SLC24A3: variants seen among roughly 807,000 people sequenced by gnomAD.
SLC24A3 encodes the protein sodium/potassium/calcium exchanger 3.
In SLC24A3, 28 loss-of-function variants were observed where a neutral mutation model predicts 75.8. The ratio of observed to expected loss-of-function variants is 0.37; its 90% CI spans 0.27 to 0.51. The LOEUF is 0.51. SLC24A3 is among the 20% of genes least tolerant of loss of function. SLC24A3 has a pLI of 0.94. For synonymous variants in SLC24A3, 372 were observed against 334.1 expected (o/e 1.11, Z -1.24); for missense variants, 663 against 847.8 (o/e 0.78, Z 2.71).
intron 6 of SLC24A3, among the ~76,000 whole-genome samples, chr20:19,600,241 A>AG (rs1384969401): frequency 6.6e-6 from 1 of 152,108 alleles, no homozygotes; most frequent in African/African-American, 2.4e-5. Flanking sequence ...CAAACCCATT[A>AG]GGAGGCGCCA....
chr20:19,471,097 T>C (rs1987862363), intron 2 of SLC24A3, among the ~76,000 whole-genome samples: 1 of 152,156 alleles, frequency 6.6e-6, no homozygotes, highest in African/African-American at 2.4e-5. Context: ...CTCAGGTTGC[T>C]ATGTGGTATT....
At chr20:19,700,013 A>G (rs6106122) in intron 15 of SLC24A3, among the ~76,000 whole-genome samples, 70,654 of 152,050 alleles carry the variant, frequency 0.46, 17,620 homozygotes, top group East Asian at 0.68. Flanking sequence ...GTAGCATCCC[A>G]AGGGTCACAT....
At chr20:19,388,958 A>G (rs949740128) in intron 2 of SLC24A3, among the ~76,000 whole-genome samples, 4 of 151,414 alleles carry the variant, frequency 2.6e-5, no homozygotes, top group African/African-American at 9.7e-5. Flanking sequence ...TTGTGATTTG[A>G]TTATTTTTGT....
At chr20:19,333,549 A>G (rs765663187) in intron 2 of SLC24A3, among the ~76,000 whole-genome samples, 13 of 152,128 alleles carry the variant, frequency 8.5e-5, no homozygotes, top group Non-Finnish European at 1.5e-4. Context: ...AATTTTTTAA[A>G]AGAATACATT....
At chr20:19,481,123 G>C (rs986260432) in intron 2 of SLC24A3, among the ~76,000 whole-genome samples, 2 of 152,184 alleles carry the variant, frequency 1.3e-5, no homozygotes, top group African/African-American at 4.8e-5. Flanking sequence ...ATAGTAATGA[G>C]AAACAGCCTC....
intron 2 of SLC24A3, among the ~76,000 whole-genome samples, chr20:19,386,960 A>G (rs1986282853): frequency 6.6e-6 from 1 of 152,144 alleles, no homozygotes; most frequent in African/African-American, 2.4e-5. Flanking sequence ...TTCACCCATG[A>G]AGCTACCTGG....
At chr20:19,328,610 G>A (rs1464951159) in intron 2 of SLC24A3, among the ~76,000 whole-genome samples, 2 of 152,140 alleles carry the variant, frequency 1.3e-5, no homozygotes, top group African/African-American at 4.8e-5. Context: ...TGCAATTCCT[G>A]GCCTGAGCAG....
chr20:19,579,748 G>T (rs2031192582), intron 3 of SLC24A3, among the ~76,000 whole-genome samples: 1 of 152,186 alleles, frequency 6.6e-6, no homozygotes, highest in African/African-American at 2.4e-5. Flanking sequence ...AAGTGCAAAG[G>T]CCCTGAGACA....
At chr20:19,232,182 T>C (rs1982040640) in intron 1 of SLC24A3, among the ~76,000 whole-genome samples, 3 of 152,264 alleles carry the variant, frequency 2.0e-5, no homozygotes, top group African/African-American at 7.2e-5. Flanking sequence ...ATATTTATTT[T>C]CAGTGTTCAG....
intron 7 of SLC24A3, among the ~76,000 whole-genome samples, chr20:19,659,176 T>A (rs2032298625): frequency 1.3e-5 from 2 of 152,206 alleles, no homozygotes; most frequent in African/African-American, 4.8e-5. Flanking sequence ...ACAAGTGCTG[T>A]CTGTCTGCTG....
At chr20:19,424,175 A>C (rs890177784) in intron 2 of SLC24A3, among the ~76,000 whole-genome samples, 4 of 152,100 alleles carry the variant, frequency 2.6e-5, no homozygotes, top group Admixed American at 2.6e-4. Flanking sequence ...ACCCAAGACA[A>C]TTTCCTGGGT....
chr20:19,250,924 G>A (rs1230623220), intron 1 of SLC24A3, among the ~76,000 whole-genome samples: 1 of 152,154 alleles, frequency 6.6e-6, no homozygotes, highest in African/African-American at 2.4e-5. Flanking sequence ...AAATTAAGAT[G>A]CCCAAGATCT....
intron 2 of SLC24A3, among the ~76,000 whole-genome samples, chr20:19,353,346 G>T (rs987409251): frequency 1.3e-5 from 2 of 152,164 alleles, no homozygotes; most frequent in Admixed American, 6.5e-5. Context: ...GGAAGCTGAA[G>T]ATTTGATATG....
intron 9 of SLC24A3, among the ~76,000 whole-genome samples, chr20:19,678,543 C>A (rs1240637475): frequency 1.7e-5 from 2 of 121,178 alleles, no homozygotes; most frequent in African/African-American, 6.5e-5. Flanking sequence ...CCGGACGGGG[C>A]GGCTGGCCGG....
intron 9 of SLC24A3, among the ~76,000 whole-genome samples, chr20:19,680,102 G>A (rs889618120): frequency 4.9e-5 from 7 of 141,884 alleles, no homozygotes; most frequent in African/African-American, 1.1e-4. Flanking sequence ...CTGTGTGTGC[G>A]AGTGTGTGTC....
At chr20:19,545,272 A>G (rs2030569121) in intron 3 of SLC24A3, among the ~76,000 whole-genome samples, 1 of 152,198 alleles carries the variant, frequency 6.6e-6, no homozygotes, top group South Asian at 2.1e-4. Context: ...AGCAGTCCAG[A>G]CAGCAAGTGT....
intron 6 of SLC24A3, among the ~76,000 whole-genome samples, chr20:19,594,778 G>C (rs141317800): frequency 2.6e-5 from 4 of 152,192 alleles, no homozygotes; most frequent in African/African-American, 9.6e-5. Context: ...ATAGGGAGAA[G>C]ATATATGGAG....
intron 2 of SLC24A3, among the ~76,000 whole-genome samples, chr20:19,363,167 G>A (rs1451363919): frequency 6.6e-6 from 1 of 152,234 alleles, no homozygotes; most frequent in Non-Finnish European, 1.5e-5. Flanking sequence ...CTGACAGCAA[G>A]CACTGGTGAG....
intron 3 of SLC24A3, among the ~76,000 whole-genome samples, chr20:19,523,692 C>T (rs1421739386): frequency 6.6e-6 from 1 of 152,226 alleles, no homozygotes; most frequent in Admixed American, 6.5e-5. Flanking sequence ...AGCTTGTAGC[C>T]ATGGGAAAGC....
Sources: gnomAD v4.1 joint callset for allele counts (sites outside exome capture counted in the v4.1 genomes callset) on GRCh38, gnomAD v4.1.1 for gene constraint, MANE v1.5 for transcripts, NCBI Gene and HGNC (gene_info 2026-07-23, HGNC 2026-07-21) for gene names.